The following CSMD2 variants were observed in gnomAD, a reference collection of about 807,000 sequenced individuals.
The protein encoded by CSMD2 is CUB and Sushi multiple domains 2.
In CSMD2, 130 loss-of-function variants were observed where a neutral mutation model predicts 398.5. The observed-to-expected ratio is 0.33, with a 90% CI of 0.28 to 0.38. CSMD2 has a LOEUF of 0.38. CSMD2 is among the 10% of genes least tolerant of loss of function. The pLI, the probability that CSMD2 is intolerant of heterozygous loss-of-function variation, is 1.00. For missense variants in CSMD2, 3,829 were observed against 4,764.9 expected (o/e 0.80, Z 5.78); for synonymous variants, 1,828 against 1,908.5 (o/e 0.96, Z 1.10).
chr1:33,738,377 G>A (rs919236183), intron 15 of CSMD2, among the ~76,000 whole-genome samples: 14 of 152,078 alleles, frequency 9.2e-5, no homozygotes, highest in African/African-American at 2.9e-4. Context: ...CAGGTACCAC[G>A]GTTGGTACAC....
chr1:34,022,799 A>G (rs909746014), intron 3 of CSMD2, among the ~76,000 whole-genome samples: 1 of 152,102 alleles, frequency 6.6e-6, no homozygotes, highest in African/African-American at 2.4e-5. Flanking sequence ...CCTGGAAGCA[A>G]TTAAATGGTT....
intron 11 of CSMD2, among the ~76,000 whole-genome samples, chr1:33,791,256 C>T (rs1654273961): frequency 6.6e-6 from 1 of 152,224 alleles, no homozygotes; most frequent in Admixed American, 6.5e-5. Flanking sequence ...GTTCTGCTAT[C>T]AACCTTCTCT....
At position 33,928,646 on chromosome 1, in the gene CSMD2, C is replaced by T. The variant is rs185479750; in HGVS notation, c.712+7114G>A. 1.1e-4 allele frequency among the ~76,000 whole-genome samples: 16 copies of T among 152,310 alleles called. No homozygotes were observed. The East Asian group carries it at 2.7e-3, about 26-fold the overall frequency. On this transcript the variant is annotated intron_variant, in intron 4 of 70. Transcript: ENST00000373381. Reference sequence around the variant, plus strand: ...ATCCAGGTGACTGGCCTCCAGAGCCCATATCGTGAAACGTTCTGGTATAGT... The same window carrying T: ...ATCCAGGTGACTGGCCTCCAGAGCCTATATCGTGAAACGTTCTGGTATAGT...
At chr1:33,658,869 C>T (rs984993541) in intron 26 of CSMD2, among the ~76,000 whole-genome samples, 3 of 152,138 alleles carry the variant, frequency 2.0e-5, no homozygotes, top group Non-Finnish European at 2.9e-5. Context: ...ATCTCTAAAA[C>T]AAACAAACAA....
chr1:33,794,001 G>A (rs1654650341), intron 10 of CSMD2, among the ~76,000 whole-genome samples: 1 of 152,190 alleles, frequency 6.6e-6, no homozygotes, highest in South Asian at 2.1e-4. Context: ...TCCCCCAACA[G>A]GGAGACTGAA....
At chr1:33,769,561 T>C (rs493336) in intron 13 of CSMD2, among the ~76,000 whole-genome samples, 22,708 of 152,154 alleles carry the variant, frequency 0.15, 2,057 homozygotes, top group South Asian at 0.25. Context: ...ATTGAGCATC[T>C]ACTACTGTGA....
intron 3 of CSMD2, among the ~76,000 whole-genome samples, chr1:34,028,327 TAAATAAAATA>T (rs1006509106): frequency 5.3e-5 from 8 of 152,098 alleles, no homozygotes; most frequent in Non-Finnish European, 1.5e-5. Flanking sequence ...AAAAACTAAA[TAAATAAAATA>T]AAATAAGTAT....
rs1439416984 is a variant in CSMD2, at chr1:34,150,088, TTG to T, written c.187+14821_187+14822del. ...TACATTTTTCTTCTTTCTTTTTTTT[TTG>T]TTTTTTTTTGAGACAGGGTCTTGCT... On this transcript the variant is annotated intron_variant, in intron 1 of 70. Coordinates refer to ENST00000373381, the MANE Select transcript of CSMD2 (RefSeq NM_001281956.2). Among the ~76,000 whole-genome samples, 15 of 145,522 alleles carry T rather than the reference TTG, an allele frequency of 1.0e-4. 4 individuals are homozygous for T. Among genetic ancestry groups the T allele is most frequent in the Admixed American group, 3.4e-4 (5 of 14,614 alleles).
intron 13 of CSMD2, among the ~76,000 whole-genome samples, chr1:33,750,838 A>G (rs1375575044): frequency 6.6e-6 from 1 of 152,192 alleles, no homozygotes; most frequent in Non-Finnish European, 1.5e-5. Flanking sequence ...AATATAAGGA[A>G]TATTTGTATA....
At chr1:33,702,960 C>G (rs1645658729) in intron 22 of CSMD2, among the ~76,000 whole-genome samples, 2 of 152,130 alleles carry the variant, frequency 1.3e-5, no homozygotes, top group African/African-American at 4.8e-5. Context: ...CTACTAATTT[C>G]AAATCAGTCT....
rs66489770 is a variant in CSMD2, at chr1:33,680,918, CTTTTTTTTTTTTT to C, written c.4052+11999_4052+12011del. Among the ~76,000 whole-genome samples, 132 of 75,946 alleles carry C rather than the reference CTTTTTTTTTTTTT, an allele frequency of 1.7e-3. 1 individual carries two copies. The highest frequency in any genetic ancestry group is 2.5e-3 in the South Asian group (4 of 1,612). The allele number at this position is 75,946 out of a possible 152,430, so 49.8% of individuals were successfully genotyped here. On this transcript the variant is annotated intron_variant, in intron 25 of 70. Coordinates refer to ENST00000373381, the MANE Select transcript of CSMD2 (RefSeq NM_001281956.2). ...CTTATTTCCATCATCCTGTTTTATGCTTTTTTTTTTTTTTTTTTTTTTTTGAGACAGAATCTCA... is the reference window on the plus strand; with the variant it reads ...CTTATTTCCATCATCCTGTTTTATGCTTTTTTTTTTTGAGACAGAATCTCA...
In CSMD2 at chr1:33,537,104, C is replaced by T; in HGVS notation, c.9806-9G>A. The T allele has an allele frequency of 6.2e-7, 1 of 1,614,048 alleles. No individual in the cohort carries two copies. Among genetic ancestry groups the T allele is most frequent in the African/African-American group, 1.3e-5 (1 of 75,008 alleles). On this transcript the variant is annotated splice_polypyrimidine_tract_variant and intron_variant, in intron 61 of 70. Transcript: ENST00000373381. This position sits in a 1 kb window ranked among gnomAD's most constrained non-coding sequence, Gnocchi z 4.6. ...CGTGGTCAGGGTCGGATCTGGATGGCCAAAACAAAGACACAGATCACATGG... is the reference window on the plus strand; with the variant it reads ...CGTGGTCAGGGTCGGATCTGGATGGTCAAAACAAAGACACAGATCACATGG...
chr1:34,066,790 T>C lies in CSMD2; in HGVS notation c.404+22187A>G, dbSNP rs548836925. Among the ~76,000 whole-genome samples the C allele has an allele frequency of 7.2e-5, 11 of 152,204 alleles. No individual in the cohort carries two copies. The East Asian group carries it at 2.1e-3, about 29-fold the overall frequency. On this transcript the variant is annotated intron_variant, in intron 2 of 70. Transcript: ENST00000373381. ...CCTAGAATGCTCAGTCCTGTGCCGC[T>C]CTCTGGGAAAGATGGGGCTTCTCCA... is the stretch of plus-strand genomic sequence containing the variant.
At chr1:34,121,952 G>C (rs1168747399) in intron 1 of CSMD2, among the ~76,000 whole-genome samples, 1 of 151,784 alleles carries the variant, frequency 6.6e-6, no homozygotes, top group African/African-American at 2.4e-5. Flanking sequence ...ATATACAATA[G>C]GGTTAGTTAA....
At chr1:33,605,573 C>T in intron 41 of CSMD2, 103 bp from the exon 42 acceptor site, 1 of 1,174,986 alleles carries the variant, frequency 8.5e-7, no homozygotes, top group Non-Finnish European at 1.2e-6. Context: ...CTCAGATGGA[C>T]CTTTGTCATG....
rs1465525397 is a variant in CSMD2 at position 33,606,750 on chromosome 1, G to A, written c.6344-1280C>T. Among the ~76,000 whole-genome samples, 4 of 152,338 alleles carry A rather than the reference G, an allele frequency of 2.6e-5. No homozygotes were observed. The East Asian group carries it at 5.8e-4, about 22-fold the overall frequency. On this transcript the variant is annotated intron_variant, in intron 41 of 70. Transcript: ENST00000373381. ...AGTGGCTGTGTGTGGGAAGCCAGGA[G>A]CAGCCTTGATGAGAGCAGCTGGGCC...
chr1:33,686,515 C>G (rs899842556), intron 25 of CSMD2, among the ~76,000 whole-genome samples: 1 of 152,240 alleles, frequency 6.6e-6, no homozygotes, highest in Non-Finnish European at 1.5e-5. Context: ...TTCCATTCCA[C>G]TCTTGTCACA....
At chr1:33,973,457 G>T (rs1645844514) in intron 3 of CSMD2, among the ~76,000 whole-genome samples, 1 of 152,182 alleles carries the variant, frequency 6.6e-6, no homozygotes, top group African/African-American at 2.4e-5. Context: ...CCCATGCACT[G>T]CCCCAGGCTT....
At chr1:33,965,988 AAT>A (rs1163268521) in intron 3 of CSMD2, among the ~76,000 whole-genome samples, 1 of 152,222 alleles carries the variant, frequency 6.6e-6, no homozygotes, top group African/African-American at 2.4e-5. Context: ...CAGCACAGGG[AAT>A]AAGTCCAGTG....
Sources: allele counts gnomAD v4.1 joint callset (sites outside exome capture counted in the v4.1 genomes callset), GRCh38; gene constraint gnomAD v4.1.1; non-coding constraint Gnocchi (gnomAD v3.1); transcripts MANE v1.5; gene names NCBI Gene and HGNC (gene_info 2026-07-23, HGNC 2026-07-21).